GTF2H1: variants seen among roughly 807,000 people sequenced by gnomAD.
The protein encoded by GTF2H1 is general transcription factor IIH subunit 1.
In GTF2H1, 16 loss-of-function variants were observed where a neutral mutation model predicts 71.2. The ratio of observed to expected loss-of-function variants is 0.22; its 90% CI spans 0.15 to 0.34. The LOEUF is 0.34. GTF2H1 is among the 10% of genes least tolerant of loss of function. The probability of loss-of-function intolerance (pLI) is 1.00; values close to 1 mark genes in which losing one functional copy is unlikely to be tolerated. For synonymous variants in GTF2H1, 215 were observed against 219.0 expected, an observed-to-expected ratio of 0.98 and a Z score of 0.16; for missense variants, 498 against 648.2, an observed-to-expected ratio of 0.77 and a Z score of 2.52.
At chr11:18,323,045 C>T (rs750405757) in intron 1 of GTF2H1, among the ~76,000 whole-genome samples, 2 of 152,308 alleles carry the variant, frequency 1.3e-5, no homozygotes, top group Middle Eastern at 6.8e-3. Context: ...CCCTTCCCGT[C>T]AGGAAATGTG....
intron 11 of GTF2H1, among the ~76,000 whole-genome samples, chr11:18,355,389 C>A (rs1056706775): frequency 6.6e-6 from 1 of 151,934 alleles, no homozygotes; most frequent in Non-Finnish European, 1.5e-5. Flanking sequence ...GTGATCCACC[C>A]GCCTCAGCCT....
chr11:18,351,471 C>CAA (rs1321149882), intron 9 of GTF2H1: 2 of 151,086 alleles, frequency 1.3e-5, no homozygotes, highest in African/African-American at 4.9e-5. Flanking sequence ...CAAAACAAAA[C>CAA]AAAAAAACAC....
chr11:18,357,197 A>T (rs926638567), intron 11 of GTF2H1, among the ~76,000 whole-genome samples: 1 of 152,106 alleles, frequency 6.6e-6, no homozygotes, highest in South Asian at 2.1e-4. Flanking sequence ...CTGTTTCACA[A>T]ATTATTTGTT....
intron 4 of GTF2H1, among the ~76,000 whole-genome samples, chr11:18,338,857 A>G (rs1865093140): frequency 6.6e-6 from 1 of 152,214 alleles, no homozygotes; most frequent in Non-Finnish European, 1.5e-5. Flanking sequence ...GCTGGTAGTC[A>G]AATGGAATTT....
rs1865016074 is a variant in GTF2H1 at position 18,335,911 on chromosome 11, G to A, written c.312G>A (p.Lys104=). ...DLLQQLLPKF[K]RKANKELEEK... ...TTCAGCAGCTGCTGCCCAAATTCAA[G>A]AGGAAAGCAAATAAAGAACTGGAAG... The change falls in exon 3 of 15, where the codon AAG becomes AAA. Residue 104 remains lysine, a synonymous_variant. Transcript: ENST00000265963. 3 of 1,614,138 alleles carry A rather than the reference G, an allele frequency of 1.9e-6. No individual in the cohort carries two copies. The highest frequency in any genetic ancestry group is 1.3e-5 in the African/African-American group (1 of 75,042).
chr11:18,323,899 G>A (rs1276820929), intron 1 of GTF2H1, among the ~76,000 whole-genome samples: 1 of 152,182 alleles, frequency 6.6e-6, no homozygotes, highest in Non-Finnish European at 1.5e-5. Context: ...GAGATGGAGA[G>A]GTCACAACCG....
At chr11:18,327,979 C>T (rs1414974694) in intron 1 of GTF2H1, among the ~76,000 whole-genome samples, 1 of 151,896 alleles carries the variant, frequency 6.6e-6, no homozygotes, top group Non-Finnish European at 1.5e-5. Flanking sequence ...GAGACTGAGG[C>T]GGGGGATCAC....
chr11:18,339,864 C>CT (rs1429469888), intron 5 of GTF2H1, among the ~76,000 whole-genome samples: 3 of 152,166 alleles, frequency 2.0e-5, no homozygotes, highest in Non-Finnish European at 4.4e-5. Context: ...CCATTCGAGT[C>CT]TGTCTGTACT....
intron 11 of GTF2H1, among the ~76,000 whole-genome samples, chr11:18,354,281 A>T (rs1751648033): frequency 6.6e-6 from 1 of 152,142 alleles, no homozygotes; most frequent in African/African-American, 2.4e-5. Context: ...GTGATATTAA[A>T]TTTTTTCACT....
rs1056501610 is a variant in GTF2H1 at position 18,333,120 on chromosome 11, C to T, written c.46C>T (p.Arg16Cys). The T allele has an allele frequency of 3.7e-6, 6 of 1,612,240 alleles. No homozygotes were observed. In the Admixed American group the frequency reaches 5.0e-5, roughly 13 times the overall value. ...EEVLLIVKKV[R>C]QKKQDGALYL... ...AGTTTTGCTGATTGTAAAGAAAGTG[C>T]GTCAAAAGAAGCAGGATGGAGCTCT... Residue 16 changes from arginine (R) to cysteine (C), a missense_variant, in exon 2 of 15, where the codon CGT (arginine) becomes TGT (cysteine). Physicochemically the swap from Arg to Cys is radical, Grantham distance 180. Around this residue, in one of 3 missense-constraint regions of GTF2H1, gnomAD observed 216 missense variants for 306.2 expected, o/e 0.71. Coordinates refer to ENST00000265963, the MANE Select transcript of GTF2H1 (RefSeq NM_005316.4).
At position 18,347,652 on chromosome 11, in the gene GTF2H1, C is replaced by T. The variant is rs745648222; in HGVS notation, c.902C>T (p.Ala301Val). 5 of 1,610,528 alleles carry T rather than the reference C, an allele frequency of 3.1e-6. No homozygotes were observed. Among genetic ancestry groups the T allele is most frequent in the Non-Finnish European group, 3.4e-6 (4 of 1,176,836 alleles). Residue 301 changes from alanine to valine, a missense_variant, in exon 8 of 15, where the codon GCT becomes GTT. Ala to Val is a moderately conservative substitution (Grantham distance 64, BLOSUM62 0). Transcript: ENST00000265963. ...NSKSIKENSNAAIIKRFNHHS... is the reference protein window; with the variant it reads ...NSKSIKENSNVAIIKRFNHHS... ...AAATCCATAAAAGAGAATAGTAATG[C>T]TGCCATCATCAAGAGATTTAACCAT... is the stretch of plus-strand genomic sequence containing the variant.
rs1865815911 is a variant in GTF2H1 at position 18,365,979 on chromosome 11, A to G, written c.*110A>G. The G allele has an allele frequency of 2.8e-6, 2 of 715,222 alleles. No individual in the cohort carries two copies. The highest frequency in any genetic ancestry group is 4.4e-5 in the Admixed American group (2 of 45,672). 44.3% of individuals were successfully genotyped at this position (715,222 alleles called of 1,614,324 possible). On this transcript the variant is annotated 3_prime_UTR_variant, in exon 15 of 15. Coordinates refer to ENST00000265963, the MANE Select transcript of GTF2H1 (RefSeq NM_005316.4). ...AGATGACCTCACAGGAGTGATAAGA[A>G]ACATCTGCTCCACGCCAACTCCCAG...
At chr11:18,361,274 G>T (rs902869792) in intron 14 of GTF2H1, among the ~76,000 whole-genome samples, 2 of 152,076 alleles carry the variant, frequency 1.3e-5, no homozygotes, top group Non-Finnish European at 2.9e-5. Context: ...TATTCCCTGA[G>T]TGCCCCTGTC....
intron 4 of GTF2H1, among the ~76,000 whole-genome samples, chr11:18,339,217 AGTTAAT>A (rs1226206862): frequency 6.6e-6 from 1 of 152,222 alleles, no homozygotes; most frequent in Non-Finnish European, 1.5e-5. Flanking sequence ...GAAGTCAGTC[AGTTAAT>A]GTTAATTTAA....
chr11:18,343,581 T>TA (rs1026805308), intron 7 of GTF2H1, among the ~76,000 whole-genome samples: 2 of 151,534 alleles, frequency 1.3e-5, no homozygotes, highest in African/African-American at 4.9e-5. Flanking sequence ...GGGGAGGGAG[T>TA]AAAAATAAAA....
intron 14 of GTF2H1, among the ~76,000 whole-genome samples, chr11:18,364,658 T>G (rs907403290): frequency 1.3e-5 from 2 of 152,178 alleles, no homozygotes; most frequent in Non-Finnish European, 2.9e-5. Context: ...AGGGCAAAAT[T>G]CTTAATCTAC....
intron 7 of GTF2H1, among the ~76,000 whole-genome samples, chr11:18,345,434 A>G (rs1652397001): frequency 6.6e-6 from 1 of 151,594 alleles, no homozygotes; most frequent in African/African-American, 2.4e-5. Flanking sequence ...GCCTGTTCCT[A>G]GCGCATGTCA....
intron 12 of GTF2H1, among the ~76,000 whole-genome samples, chr11:18,358,292 T>C (rs3740711): frequency 0.63 from 95,198 of 152,030 alleles, 31,215 homozygotes; most frequent in East Asian, 0.96. Context: ...TCCTTTCTTC[T>C]CCCCTACCTC....
chr11:18,332,151 A>T (rs148926392), intron 1 of GTF2H1, among the ~76,000 whole-genome samples: 2 of 152,226 alleles, frequency 1.3e-5, no homozygotes, highest in Non-Finnish European at 1.5e-5. Flanking sequence ...TTTAACCCTC[A>T]GAAAAATGTT....
Sources: gnomAD v4.1 joint callset for allele counts (sites outside exome capture counted in the v4.1 genomes callset) on GRCh38, gnomAD v4.1.1 for gene constraint, gnomAD v4.1.1 regional missense constraint, MANE v1.5 for transcripts, NCBI Gene and HGNC (gene_info 2026-07-23, HGNC 2026-07-21) for gene names.